Variants in ZFHX3 observed in about 807,000 individuals in gnomAD.
ZFHX3 encodes the protein zinc finger homeobox protein 3.
A neutral mutation model predicts 279.1 loss-of-function variants in ZFHX3; 42 were observed. The observed-to-expected ratio is 0.15, with a 90% confidence interval of 0.12 to 0.19. The LOEUF is 0.19. Among genes scored for constraint, ZFHX3 ranks in the 10% least tolerant of loss-of-function variants. The pLI, the probability that ZFHX3 is intolerant of heterozygous loss-of-function variation, is 1.00. For missense variants in ZFHX3, 4,981 were observed against 4,754.0 expected (o/e 1.05, Z -1.40); for synonymous variants, 2,293 against 1,957.8 (o/e 1.17, Z -4.52).
At chr16:73,248,331 GGA>G (rs1280727317) in intron 5 of ZFHX3, among the ~76,000 whole-genome samples, 2 of 151,788 alleles carry the variant, frequency 1.3e-5, no homozygotes, top group Non-Finnish European at 2.9e-5. Flanking sequence ...GCCTGTATGT[GGA>G]GAGTGTGTAT....
intron 4 of ZFHX3, among the ~76,000 whole-genome samples, chr16:73,264,166 G>C (rs1349682072): frequency 1.3e-5 from 2 of 152,086 alleles, no homozygotes; most frequent in African/African-American, 4.8e-5. Flanking sequence ...GACTCTATCT[G>C]CGGGGAAAAA....
intron 2 of ZFHX3, among the ~76,000 whole-genome samples, chr16:73,563,796 G>C (rs1270024427): frequency 6.6e-6 from 1 of 151,998 alleles, no homozygotes; most frequent in Non-Finnish European, 1.5e-5. Context: ...GGAGTCCTAG[G>C]ATTCTTTTTA....
intron 1 of ZFHX3, among the ~76,000 whole-genome samples, chr16:73,686,877 C>T (rs1052148487): frequency 6.6e-6 from 1 of 151,392 alleles, no homozygotes; most frequent in Non-Finnish European, 1.5e-5. Flanking sequence ...TTGGGGTGCA[C>T]TGGTCTTGGT....
intron 3 of ZFHX3, among the ~76,000 whole-genome samples, chr16:73,339,089 T>C (rs2015980023): frequency 6.6e-6 from 1 of 152,200 alleles, no homozygotes; most frequent in Non-Finnish European, 1.5e-5. Context: ...TCTTTTCTTT[T>C]AAACTACCCA....
intron 4 of ZFHX3, among the ~76,000 whole-genome samples, chr16:73,285,668 T>C (rs2014577970): frequency 6.6e-6 from 1 of 152,232 alleles, no homozygotes; most frequent in South Asian, 2.1e-4. Context: ...CAGGGAAATA[T>C]ATCCCAAGAT....
intron 1 of ZFHX3, among the ~76,000 whole-genome samples, chr16:73,726,245 A>G (rs2053517612): frequency 6.6e-6 from 1 of 152,172 alleles, no homozygotes; most frequent in South Asian, 2.1e-4. Context: ...CTGGCTCTTA[A>G]ATTGTGAGGG....
rs2052084956 is a variant in ZFHX3, at chr16:73,599,176, G to T, written c.-1547+81004C>A. Among the ~76,000 whole-genome samples, 2 of 152,186 alleles carry T rather than the reference G, an allele frequency of 1.3e-5. 1 individual carries two copies. Among genetic ancestry groups the T allele is most frequent in the South Asian group, 4.1e-4 (2 of 4,836 alleles). ...GATACAGGTAATACCCAGCTTCCTGGTTTAAGCACTCAGTGGATCTCACTG... is the reference window on the plus strand; with the variant it reads ...GATACAGGTAATACCCAGCTTCCTGTTTTAAGCACTCAGTGGATCTCACTG... On this transcript the variant is annotated intron_variant, in intron 2 of 17. Transcript: ENST00000641206.
intron 1 of ZFHX3, among the ~76,000 whole-genome samples, chr16:73,830,982 A>G (rs539260199): frequency 1.3e-5 from 2 of 152,354 alleles, no homozygotes; most frequent in Admixed American, 6.5e-5. Context: ...CTGGCAGACC[A>G]GTTCACTAGC....
intron 5 of ZFHX3, among the ~76,000 whole-genome samples, chr16:73,215,681 C>A (rs73597334): frequency 0.017 from 2,609 of 152,274 alleles, 88 homozygotes; most frequent in African/African-American, 0.06. Context: ...TTGTCCTCCC[C>A]CCGATGCTGA....
chr16:73,252,704 A>G (rs942297949), intron 5 of ZFHX3, among the ~76,000 whole-genome samples: 12 of 152,146 alleles, frequency 7.9e-5, no homozygotes, highest in African/African-American at 2.7e-4. Context: ...CATCGGTCAC[A>G]TGGACTGACG....
intron 1 of ZFHX3, among the ~76,000 whole-genome samples, chr16:73,680,884 T>A (rs2142194759): frequency 6.6e-6 from 1 of 152,342 alleles, no homozygotes; most frequent in South Asian, 2.1e-4. Context: ...AAACCATTAT[T>A]CATATATAAT....
At chr16:73,466,297 C>G (rs2018569291) in intron 2 of ZFHX3, among the ~76,000 whole-genome samples, 1 of 152,110 alleles carries the variant, frequency 6.6e-6, no homozygotes, top group African/African-American at 2.4e-5. Context: ...GCCTGGGCAA[C>G]ATGGGAAAAC....
intron 2 of ZFHX3, among the ~76,000 whole-genome samples, chr16:73,648,980 C>T (rs979496518): frequency 6.6e-6 from 1 of 152,124 alleles, no homozygotes; most frequent in Non-Finnish European, 1.5e-5. Flanking sequence ...CCTCTAGATG[C>T]ACATATCTTT....
chr16:73,750,821 G>A (rs1219040955), intron 1 of ZFHX3, among the ~76,000 whole-genome samples: 2 of 152,080 alleles, frequency 1.3e-5, no homozygotes, highest in Non-Finnish European at 2.9e-5. Flanking sequence ...ATGCCTTGAT[G>A]GGAATTTAGA....
intron 1 of ZFHX3, among the ~76,000 whole-genome samples, chr16:72,961,455 A>G (rs1597022573): frequency 6.6e-6 from 1 of 152,050 alleles, no homozygotes; most frequent in Admixed American, 6.5e-5. Context: ...GCAGCTCAGC[A>G]CCTCGCAGAG....
At chr16:73,727,337 T>G (rs1174764902) in intron 1 of ZFHX3, among the ~76,000 whole-genome samples, 2 of 152,180 alleles carry the variant, frequency 1.3e-5, no homozygotes, top group East Asian at 3.9e-4. Flanking sequence ...TTCCCCTGCA[T>G]GCAGACACAA....
In ZFHX3 at chr16:73,678,798, T is replaced by G. The variant is rs1194764262; in HGVS notation, c.-1547+1382A>C. ...ATTTCATACATCATTTACAGCTTGC[T>G]TCAGTGATTCTGCAAAATCAGTCCA... is the stretch of plus-strand genomic sequence containing the variant. On this transcript the variant is annotated intron_variant, in intron 2 of 17. Transcript: ENST00000641206. Among the ~76,000 whole-genome samples, 3 of 152,154 alleles carry G rather than the reference T, an allele frequency of 2.0e-5. 1 individual carries two copies. The highest frequency in any genetic ancestry group is 4.4e-5 in the Non-Finnish European group (3 of 68,006).
chr16:73,742,631 G>A (rs568189844), intron 1 of ZFHX3, among the ~76,000 whole-genome samples: 2 of 152,302 alleles, frequency 1.3e-5, no homozygotes, highest in South Asian at 2.1e-4. Flanking sequence ...GAGTTCTAGG[G>A]AATATATGTA....
At chr16:73,304,331 T>A (rs1359385479) in intron 4 of ZFHX3, among the ~76,000 whole-genome samples, 3 of 152,132 alleles carry the variant, frequency 2.0e-5, no homozygotes, top group Non-Finnish European at 4.4e-5. Flanking sequence ...TTTGGAACAA[T>A]AGTGAGGTCA....
Sources: allele counts gnomAD v4.1 joint callset (sites outside exome capture counted in the v4.1 genomes callset), GRCh38; gene constraint gnomAD v4.1.1; transcripts MANE v1.5; gene names NCBI Gene and HGNC (gene_info 2026-07-23, HGNC 2026-07-21).